The following TMEM132C variants were observed in gnomAD, a reference collection of about 807,000 sequenced individuals.
TMEM132C encodes protein phosphatase 1, regulatory subunit 152.
A neutral mutation model predicts 61.4 loss-of-function variants in TMEM132C; 29 were observed. The ratio of observed to expected loss-of-function variants is 0.47; its 90% confidence interval spans 0.35 to 0.64. The LOEUF (loss-of-function observed/expected upper bound fraction) is 0.64. TMEM132C is among the 30% of genes least tolerant of loss of function. The probability of loss-of-function intolerance (pLI) is 0.00; values close to 1 mark genes in which losing one functional copy is unlikely to be tolerated. For missense variants in TMEM132C, 1,408 were observed against 1,476.9 expected, an observed-to-expected ratio of 0.95 and a Z score of 0.76; for synonymous variants, 656 against 633.1, an observed-to-expected ratio of 1.04 and a Z score of -0.54.
At chr12:128,501,842 C>G (rs77049528) in intron 2 of TMEM132C, among the ~76,000 whole-genome samples, 1 of 152,152 alleles carries the variant, frequency 6.6e-6, no homozygotes, top group Admixed American at 6.5e-5. Flanking sequence ...ACCTGTTAAA[C>G]CTTAGACCAT....
At chr12:128,356,614 C>A (rs577919521) in intron 1 of TMEM132C, among the ~76,000 whole-genome samples, 1 of 152,266 alleles carries the variant, frequency 6.6e-6, no homozygotes, top group African/African-American at 2.4e-5. Flanking sequence ...GTTCAGCAAC[C>A]GTAATTAGTG....
intron 1 of TMEM132C, among the ~76,000 whole-genome samples, chr12:128,378,259 A>C (rs556474981): frequency 4.0e-5 from 6 of 151,884 alleles, no homozygotes; most frequent in Non-Finnish European, 8.8e-5. Flanking sequence ...GGACTACAGG[A>C]GCCTGCCACC....
At chr12:128,615,294 G>C (rs1489424) in intron 3 of TMEM132C, among the ~76,000 whole-genome samples, 42,568 of 152,152 alleles carry the variant, frequency 0.28, 7,125 homozygotes, top group Middle Eastern at 0.39. Context: ...GATGGCGGTG[G>C]TGGGGGAAGG....
intron 4 of TMEM132C, among the ~76,000 whole-genome samples, chr12:128,616,560 G>A (rs1876809861): frequency 1.3e-5 from 2 of 152,304 alleles, no homozygotes; most frequent in South Asian, 4.2e-4. Flanking sequence ...TGCTGGAGGT[G>A]GAAGTGAGCA....
intron 2 of TMEM132C, among the ~76,000 whole-genome samples, chr12:128,506,921 A>G (rs1411681166): frequency 3.9e-5 from 6 of 152,268 alleles, no homozygotes; most frequent in Non-Finnish European, 4.4e-5. Flanking sequence ...GCTGTAGCTG[A>G]TGGGAAAAGG....
intron 4 of TMEM132C, among the ~76,000 whole-genome samples, chr12:128,655,817 C>T (rs771062402): frequency 1.3e-4 from 20 of 152,164 alleles, no homozygotes; most frequent in Admixed American, 4.6e-4. Flanking sequence ...TTTGTTGTAA[C>T]GCATTCCAGT....
In TMEM132C at chr12:128,438,492, T is replaced by C. The variant is rs2136044578; in HGVS notation, c.974+22872T>C. Among the ~76,000 whole-genome samples, 2 of 152,322 alleles carry C rather than the reference T, an allele frequency of 1.3e-5. 1 individual carries two copies. Among genetic ancestry groups the C allele is most frequent in the South Asian group, 4.1e-4 (2 of 4,826 alleles). On this transcript the variant is annotated intron_variant, in intron 2 of 8. Coordinates refer to ENST00000435159, the MANE Select transcript of TMEM132C (RefSeq NM_001136103.3). ...CAGATTCAGATGCCCAATCCTGAAC[T>C]TTCCAGTCATCAGAATTGTAAGCCA...
intron 4 of TMEM132C, among the ~76,000 whole-genome samples, chr12:128,668,015 G>A (rs1954496286): frequency 6.6e-6 from 1 of 152,238 alleles, no homozygotes; most frequent in Non-Finnish European, 1.5e-5. Context: ...GCCCATGCCT[G>A]TAATCCCAGC....
chr12:128,335,059 A>C (rs1281420630), intron 1 of TMEM132C, among the ~76,000 whole-genome samples: 1 of 152,226 alleles, frequency 6.6e-6, no homozygotes, highest in African/African-American at 2.4e-5. Context: ...CATAGATTGC[A>C]AAAGTTACAG....
chr12:128,431,714 C>A (rs1261055625), intron 2 of TMEM132C, among the ~76,000 whole-genome samples: 3 of 151,984 alleles, frequency 2.0e-5, no homozygotes, highest in Non-Finnish European at 4.4e-5. Context: ...GCCACCACGC[C>A]TTGCTAATTT....
rs556243768 is a variant in TMEM132C, at chr12:128,553,021, T to G, written c.1121+8918T>G. Among the ~76,000 whole-genome samples the G allele has an allele frequency of 1.3e-4, 20 of 152,354 alleles. No homozygotes were observed. In the East Asian group the frequency reaches 3.9e-3, roughly 29 times the overall value. ...GAGGTTAGAGAAAGGGGTTAGCAGGTGCAGGGAAGTGCTGTGGACACACGA... is the reference window on the plus strand; with the variant it reads ...GAGGTTAGAGAAAGGGGTTAGCAGGGGCAGGGAAGTGCTGTGGACACACGA... On this transcript the variant is annotated intron_variant, in intron 3 of 8. Transcript: ENST00000435159.
At chr12:128,477,923 T>C (rs960161488) in intron 2 of TMEM132C, among the ~76,000 whole-genome samples, 1 of 152,170 alleles carries the variant, frequency 6.6e-6, no homozygotes, top group Non-Finnish European at 1.5e-5. Context: ...AGAATGAAAC[T>C]TGGTCTTGGT....
chr12:128,559,876 C>G (rs946362750), intron 3 of TMEM132C, among the ~76,000 whole-genome samples: 1 of 152,144 alleles, frequency 6.6e-6, no homozygotes, highest in Non-Finnish European at 1.5e-5. Context: ...TCTCACTTAA[C>G]CTGGGCTCTC....
intron 3 of TMEM132C, among the ~76,000 whole-genome samples, chr12:128,546,275 A>C (rs1001674574): frequency 2.0e-5 from 3 of 152,188 alleles, no homozygotes; most frequent in Non-Finnish European, 4.4e-5. Context: ...AGGCCAAATT[A>C]AATCTCCTGA....
At chr12:128,501,185 A>G (rs1282029760) in intron 2 of TMEM132C, among the ~76,000 whole-genome samples, 3 of 152,098 alleles carry the variant, frequency 2.0e-5, no homozygotes, top group Admixed American at 6.5e-5. Flanking sequence ...ACTCTATTCC[A>G]TGGTACCATA....
At chr12:128,340,488 A>G (rs936213303) in intron 1 of TMEM132C, among the ~76,000 whole-genome samples, 1 of 152,166 alleles carries the variant, frequency 6.6e-6, no homozygotes, top group Non-Finnish European at 1.5e-5. Flanking sequence ...ACTAGTAGGG[A>G]AAAAAGTAAG....
intron 5 of TMEM132C, among the ~76,000 whole-genome samples, chr12:128,691,093 A>G (rs535040681): frequency 9.2e-5 from 14 of 152,360 alleles, no homozygotes; most frequent in African/African-American, 3.4e-4. Flanking sequence ...CAAATCAGCA[A>G]TTATAGCTTA....
intron 1 of TMEM132C, among the ~76,000 whole-genome samples, chr12:128,309,146 G>A (rs970286536): frequency 6.6e-6 from 1 of 152,172 alleles, no homozygotes; most frequent in African/African-American, 2.4e-5. Context: ...CCAAGACCTG[G>A]TGAGGCAGGG....
At chr12:128,598,993 A>C (rs1189843522) in intron 3 of TMEM132C, among the ~76,000 whole-genome samples, 1 of 152,136 alleles carries the variant, frequency 6.6e-6, no homozygotes, top group Non-Finnish European at 1.5e-5. Flanking sequence ...GATTTTGGCT[A>C]CATGTAGCCA....
Sources: gnomAD v4.1 joint callset for allele counts (sites outside exome capture counted in the v4.1 genomes callset) on GRCh38, gnomAD v4.1.1 for gene constraint, MANE v1.5 for transcripts, NCBI Gene and HGNC (gene_info 2026-07-23, HGNC 2026-07-21) for gene names.